Variants in TRIM72 observed in about 807,000 individuals in gnomAD.
TRIM72 encodes the protein tripartite motif-containing protein 72.
A neutral mutation model predicts 31.6 loss-of-function variants in TRIM72; 33 were observed. That is an observed-to-expected ratio of 1.04 (90% confidence interval 0.79 to 1.40). The LOEUF (loss-of-function observed/expected upper bound fraction) is 1.40. TRIM72 is among the 40% of genes most tolerant of loss of function. The probability of loss-of-function intolerance (pLI) is 0.00; values close to 1 mark genes in which losing one functional copy is unlikely to be tolerated. For missense variants in TRIM72, 666 were observed against 682.7 expected (o/e 0.98, Z 0.27); for synonymous variants, 301 against 314.4 (o/e 0.96, Z 0.45).
intron 4 of TRIM72, among the ~76,000 whole-genome samples, chr16:31,220,456 GTTTTTTTTTTTTTTTTTTTT>G (rs71151452): frequency 3.4e-5 from 1 of 29,560 alleles, no homozygotes; most frequent in African/African-American, 1.5e-4. Flanking sequence ...TCTCTTTTGC[GTTTTTTTTTTTTTTTTTTTT>G]TTTTTTTTTT....
In TRIM72 at chr16:31,224,457, G is replaced by C. The variant is rs770390611; in HGVS notation, c.1136G>C (p.Gly379Ala). Reference sequence around the variant, plus strand: ...CGCCTGCACGCGGTGCCCTCGCAGGGCCTGTGGCTGCTGGGGCTGCGCGAG... The same window carrying C: ...CGCCTGCACGCGGTGCCCTCGCAGGCCCTGTGGCTGCTGGGGCTGCGCGAG... ...RGRLHAVPSQ[G>A]LWLLGLREGK... The change falls in exon 7 of 7, where the codon GGC (glycine) becomes GCC (alanine). Residue 379 changes from glycine (G) to alanine (A), a missense_variant. By Grantham distance (60) the Gly-to-Ala change is moderately conservative. Transcript: ENST00000322122. 4.7e-5 allele frequency: 69 copies of C among 1,463,150 alleles called. No homozygotes were observed. The highest frequency in any genetic ancestry group is 6.1e-5 in the Non-Finnish European group (68 of 1,119,560). The allele number at this position is 1,463,150 out of a possible 1,614,324, so 90.6% of individuals were successfully genotyped here. A position where few individuals can be genotyped will look rare whatever the true frequency, so the allele number is the denominator to read the frequency against.
rs544541955 is a variant in TRIM72, at chr16:31,224,729, G to T, written c.1408G>T (p.Val470Leu). ...KGKNAQPLLL[V>L]GPEGAEA ...CAAGAATGCCCAGCCGCTGCTGCTC[G>T]TGGGTCCCGAAGGCGCCGAGGCCTG... The change falls in exon 7 of 7, where the codon GTG becomes TTG. Residue 470 changes from valine (V) to leucine (L), a missense_variant. Transcript: ENST00000322122. The T allele has an allele frequency of 2.0e-6, 3 of 1,521,548 alleles. No individual in the cohort carries two copies. The South Asian group carries it at 3.6e-5, about 18-fold the overall frequency. 94.3% of individuals were successfully genotyped at this position (1,521,548 alleles called of 1,614,324 possible).
Position 31,228,569 on chromosome 16 carries a change from CTTTT to C in TRIM72, c.*3831_*3834del, listed in dbSNP as rs35529522. ...TGAACTGCTGGGGTCTCTGCACCTC[CTTTT>C]TTTTTTTTTTTTTTTTGAGATGCAG... On this transcript the variant is annotated 3_prime_UTR_variant, in exon 7 of 7. Transcript: ENST00000322122. 11 of 133,382 alleles carry C rather than the reference CTTTT, an allele frequency of 8.2e-5. No individual in the cohort carries two copies. The highest frequency in any genetic ancestry group is 2.4e-4 in the South Asian group (1 of 4,224). 8.3% of individuals were successfully genotyped at this position (133,382 alleles called of 1,614,324 possible).
Position 31,224,290 on chromosome 16 carries a change from G to A in TRIM72, c.969G>A (p.Glu323=). ...AGCAGAAGGCGCCGCCGGCCGGGGA[G>A]GACCCGCGCCAGTTCGACAAGGCGG... ...CSEQKAPPAG[E]DPRQFDKAVA... The change falls in exon 7 of 7, where the codon GAG becomes GAA. Residue 323 remains glutamate, a synonymous_variant. Coordinates refer to ENST00000322122, the MANE Select transcript of TRIM72 (RefSeq NM_001008274.4). The A allele has an allele frequency of 6.2e-7, 1 of 1,603,704 alleles. No individual in the cohort carries two copies. Among genetic ancestry groups the A allele is most frequent in the Non-Finnish European group, 8.5e-7 (1 of 1,178,514 alleles).
At chr16:31,217,390 C>T (rs1405882839) in intron 2 of TRIM72, 1 of 208,566 alleles carries the variant, frequency 4.8e-6, no homozygotes, top group Non-Finnish European at 9.5e-6. Flanking sequence ...GCTTGTAGTG[C>T]CAGCTACTCG....
intron 6 of TRIM72, 85 bp downstream of exon 6, chr16:31,223,030 C>A: frequency 9.8e-7 from 1 of 1,020,016 alleles, no homozygotes; most frequent in Non-Finnish European, 1.5e-6. Context: ...CTCCCAGTCC[C>A]AACTGGGGAG....
At position 31,219,555 on chromosome 16, in the gene TRIM72, C is replaced by T. The variant is rs745457658; in HGVS notation, c.717+36C>T. The T allele has an allele frequency of 1.5e-5, 23 of 1,562,164 alleles. No individual in the cohort carries two copies. The African/African-American group carries it at 2.9e-4, about 19-fold the overall frequency. On this transcript the variant is annotated intron_variant, in intron 4 of 6. Coordinates refer to ENST00000322122, the MANE Select transcript of TRIM72 (RefSeq NM_001008274.4). The surrounding 1 kb of genome is among the most constrained non-coding windows in gnomAD (Gnocchi z 4.2). Reference sequence around the variant, plus strand: ...GGTGACCCCCCTCCCTGCCTCAGCCCCCTGCTCAGGGCCCAGAGACCTCAT... The same window carrying T: ...GGTGACCCCCCTCCCTGCCTCAGCCTCCTGCTCAGGGCCCAGAGACCTCAT...
intron 2 of TRIM72, among the ~76,000 whole-genome samples, chr16:31,218,195 G>A (rs1452819107): frequency 1.3e-5 from 2 of 152,158 alleles, no homozygotes; most frequent in African/African-American, 4.8e-5. Flanking sequence ...GTGCTATGGG[G>A]CTGACTGCTG....
chr16:31,218,574 TG>T (rs1457950512), intron 2 of TRIM72, among the ~76,000 whole-genome samples: 2 of 151,436 alleles, frequency 1.3e-5, no homozygotes, highest in East Asian at 3.9e-4. Context: ...CCCAGCTACT[TG>T]GGAGGCTGAG....
At chr16:31,220,855 A>C (rs1268097490) in intron 4 of TRIM72, 41 bp from the exon 5 acceptor site, 1 of 1,613,788 alleles carries the variant, frequency 6.2e-7, no homozygotes, top group Non-Finnish European at 8.5e-7. Context: ...CAGTGTCCCC[A>C]CCATCGGCTT....
Position 31,215,179 on chromosome 16 carries a change from G to T in TRIM72, c.390+51G>T. The stretch of plus-strand genomic sequence containing the variant: ...CGGAGGGGCTGTTCGGTGGCACGGG[G>T]CCGATGGGGAGGTCGCTGCAGTGAT... On this transcript the variant is annotated intron_variant, in intron 2 of 6. Transcript: ENST00000322122. The surrounding 1 kb of genome is among the most constrained non-coding windows in gnomAD (Gnocchi z 6.3). 7.0e-7 allele frequency: 1 copy of T among 1,423,856 alleles called. No homozygotes were observed. Among genetic ancestry groups the T allele is most frequent in the Non-Finnish European group, 9.1e-7 (1 of 1,097,448 alleles). 88.2% of individuals were successfully genotyped at this position (1,423,856 alleles called of 1,614,324 possible).
Position 31,224,507 on chromosome 16 carries a change from G to A in TRIM72, c.1186G>A (p.Glu396Lys), listed in dbSNP as rs1328791124. Reference sequence around the variant, plus strand: ...GGGCAAGATCCTGGAGGCACACGTGGAGGCCAAGGAGCCGCGCGCTCTGCG... The same window carrying A: ...GGGCAAGATCCTGGAGGCACACGTGAAGGCCAAGGAGCCGCGCGCTCTGCG... ...REGKILEAHV[E>K]AKEPRALRSP... The change falls in exon 7 of 7, where the codon GAG (glutamate) becomes AAG (lysine). Residue 396 changes from glutamate to lysine, a missense_variant. Glu to Lys is a moderately conservative substitution (Grantham distance 56). Transcript: ENST00000322122. 20 of 1,493,170 alleles carry A rather than the reference G, an allele frequency of 1.3e-5. No homozygotes were observed. The highest frequency in any genetic ancestry group is 1.8e-5 in the Non-Finnish European group (20 of 1,129,478). The allele number at this position is 1,493,170 out of a possible 1,614,324, so 92.5% of individuals were successfully genotyped here.
chr16:31,218,678 A>G (rs1271975322), intron 2 of TRIM72, among the ~76,000 whole-genome samples: 2 of 151,192 alleles, frequency 1.3e-5, no homozygotes, highest in African/African-American at 2.4e-5. Context: ...CGAGACTCCA[A>G]CTCAAAAAAA....
At position 31,216,881 on chromosome 16, in the gene TRIM72, C is replaced by A. The variant is rs758177015; in HGVS notation, c.390+1753C>A. The stretch of plus-strand genomic sequence containing the variant: ...GCGACCAGCTTGTCGGTGAGGTCCA[C>A]GATATCTAGCTGCCCGAGCGCGCCC... On this transcript the variant is annotated intron_variant, in intron 2 of 6. Coordinates refer to ENST00000322122, the MANE Select transcript of TRIM72 (RefSeq NM_001008274.4). This position sits in a 1 kb window ranked among gnomAD's most constrained non-coding sequence, Gnocchi z 6.7. 6.2e-7 allele frequency: 1 copy of A among 1,613,960 alleles called. No individual in the cohort carries two copies. The highest frequency in any genetic ancestry group is 1.7e-5 in the Admixed American group (1 of 60,018).
chr16:31,216,724 G>T lies in TRIM72; in HGVS notation c.390+1596G>T, dbSNP rs755421162. 20 of 1,572,148 alleles carry T rather than the reference G, an allele frequency of 1.3e-5. 1 individual carries two copies. In the South Asian group the frequency reaches 2.2e-4, roughly 17 times the overall value. On this transcript the variant is annotated intron_variant, in intron 2 of 6. Coordinates refer to ENST00000322122, the MANE Select transcript of TRIM72 (RefSeq NM_001008274.4). This position sits in a 1 kb window ranked among gnomAD's most constrained non-coding sequence, Gnocchi z 6.7. ...GGGTCCTTGGCGAGGAAGCGGGGTTGGGTCCCGAGATCACGTACCAGCTCA... is the reference window on the plus strand; with the variant it reads ...GGGTCCTTGGCGAGGAAGCGGGGTTTGGTCCCGAGATCACGTACCAGCTCA...
rs1178217005 is a variant in TRIM72 at position 31,219,220 on chromosome 16, G to T, written c.486+30G>T. On this transcript the variant is annotated intron_variant, in intron 3 of 6. Coordinates refer to ENST00000322122, the MANE Select transcript of TRIM72 (RefSeq NM_001008274.4). The surrounding 1 kb of genome is among the most constrained non-coding windows in gnomAD (Gnocchi z 4.2). ...GGACTTCACAGGGCCATGTCTGAGG[G>T]CTGGGGGCCAGGCTAGGGGTCTCCA... 1 of 1,613,980 alleles carries T rather than the reference G, an allele frequency of 6.2e-7. No homozygotes were observed. The highest frequency in any genetic ancestry group is 1.3e-5 in the African/African-American group (1 of 75,068).
rs889240726 is a variant in TRIM72, at chr16:31,225,833, T to C, written c.*1078T>C. On this transcript the variant is annotated 3_prime_UTR_variant, in exon 7 of 7. Transcript: ENST00000322122. ...ACACCTGGCTATTTATTTTTATTTT[T>C]AGTAGGGGTTTCACTATGTTGGCCA... The C allele has an allele frequency of 3.3e-5, 5 of 151,492 alleles. No homozygotes were observed. Among genetic ancestry groups the C allele is most frequent in the African/African-American group, 1.2e-4 (5 of 41,218 alleles). 9.4% of individuals were successfully genotyped at this position (151,492 alleles called of 1,614,324 possible).
chr16:31,222,482 C>CTTTTTT (rs3060409), intron 5 of TRIM72, among the ~76,000 whole-genome samples: 1,620 of 117,932 alleles, frequency 0.014, 55 homozygotes, highest in Non-Finnish European at 0.02. Flanking sequence ...TCTTCTTCTT[C>CTTTTTT]TTTTTTTTTT....
rs1172651452 is a variant in TRIM72 at position 31,226,534 on chromosome 16, T to A, written c.*1779T>A. 6.6e-6 allele frequency: 1 copy of A among 152,120 alleles called. No homozygotes were observed. Among genetic ancestry groups the A allele is most frequent in the Non-Finnish European group, 1.5e-5 (1 of 68,020 alleles). The allele number at this position is 152,120 out of a possible 1,614,324, so 9.4% of individuals were successfully genotyped here. On this transcript the variant is annotated 3_prime_UTR_variant, in exon 7 of 7. Transcript: ENST00000322122. ...TAACTTGCTTTGCCTCTGGGATATG[T>A]TTATCGAGCGTCTTGAACGTTGAGG...
Sources: gnomAD v4.1 joint callset for allele counts (sites outside exome capture counted in the v4.1 genomes callset) on GRCh38, gnomAD v4.1.1 for gene constraint, Gnocchi (gnomAD v3.1) non-coding constraint, MANE v1.5 for transcripts, NCBI Gene and HGNC (gene_info 2026-07-23, HGNC 2026-07-21) for gene names.